The following SLAIN2 variants were observed in gnomAD, a reference collection of about 807,000 sequenced individuals.
SLAIN2 encodes SLAIN family member 2.
A neutral mutation model predicts 56.6 loss-of-function variants in SLAIN2; 31 were observed. That is an observed-to-expected ratio of 0.55 (90% CI 0.41 to 0.74). The LOEUF (loss-of-function observed/expected upper bound fraction) is 0.74, where lower values mean the gene tolerates loss of function less well. SLAIN2 is among the 30% of genes least tolerant of loss of function. The pLI is 0.00. For synonymous variants in SLAIN2, 317 were observed against 284.9 expected (o/e 1.11, Z -1.13); for missense variants, 777 against 754.2 (o/e 1.03, Z -0.35).
intron 1 of SLAIN2, among the ~76,000 whole-genome samples, chr4:48,363,725 G>C (rs1231654438): frequency 5.3e-5 from 6 of 112,456 alleles, no homozygotes; most frequent in African/African-American, 1.2e-4. Context: ...TCCCAGACGG[G>C]GCGGCTGGCC....
rs1196628022 is a variant in SLAIN2, at chr4:48,409,152, C to T, written c.1361-10973C>T. 2.0e-5 allele frequency among the ~76,000 whole-genome samples: 3 copies of T among 152,104 alleles called. No homozygotes were observed. The East Asian group carries it at 5.8e-4, about 29-fold the overall frequency. ...ATAATAACATCACAGAGAATCAGGT[C>T]CCCATCCCCTCAAGCATTCATCCTT... On this transcript the variant is annotated intron_variant, in intron 6 of 7. Transcript: ENST00000264313.
intron 6 of SLAIN2, among the ~76,000 whole-genome samples, chr4:48,395,810 CTTTTTTTT>C (rs10649464): frequency 1.4e-5 from 1 of 72,792 alleles, no homozygotes. Context: ...GAACCTTAGG[CTTTTTTTT>C]TTTTTTTTTT....
intron 1 of SLAIN2, among the ~76,000 whole-genome samples, chr4:48,358,517 C>G (rs1379837147): frequency 1.3e-5 from 2 of 151,936 alleles, no homozygotes; most frequent in Admixed American, 6.6e-5. Context: ...TGGGGTTTCT[C>G]CATGTTGAGG....
At chr4:48,355,658 C>T (rs1266586832) in intron 1 of SLAIN2, among the ~76,000 whole-genome samples, 3 of 152,110 alleles carry the variant, frequency 2.0e-5, no homozygotes, top group Non-Finnish European at 4.4e-5. Context: ...GTATACCCGT[C>T]TCTCTTACCT....
chr4:48,421,752 A>G (rs1717161723), intron 7 of SLAIN2, among the ~76,000 whole-genome samples: 1 of 151,490 alleles, frequency 6.6e-6, no homozygotes. Flanking sequence ...GGAAAAGGTG[A>G]GACCATCTTT....
At chr4:48,418,853 T>G (rs1391068635) in intron 6 of SLAIN2, among the ~76,000 whole-genome samples, 1 of 77,482 alleles carries the variant, frequency 1.3e-5, no homozygotes, top group Non-Finnish European at 3.0e-5. Flanking sequence ...CATTCTACAG[T>G]GTGTGTGTGT....
At chr4:48,412,806 T>C (rs1716897614) in intron 6 of SLAIN2, among the ~76,000 whole-genome samples, 1 of 152,198 alleles carries the variant, frequency 6.6e-6, no homozygotes, top group Admixed American at 6.5e-5. Flanking sequence ...TCTGTGTCTT[T>C]CTCTTTTATG....
chr4:48,384,119 C>G (rs1560458887), intron 6 of SLAIN2, among the ~76,000 whole-genome samples: 2 of 152,138 alleles, frequency 1.3e-5, no homozygotes, highest in African/African-American at 4.8e-5. Context: ...ACCAGTAGAG[C>G]ATCCAAAAAT....
At chr4:48,345,720 A>AT (rs1560447792) in intron 1 of SLAIN2, among the ~76,000 whole-genome samples, 1 of 151,316 alleles carries the variant, frequency 6.6e-6, no homozygotes, top group Non-Finnish European at 1.5e-5. Context: ...AGGCTTTTAA[A>AT]TTTCCTTTTG....
rs1715922998 is a variant in SLAIN2 at position 48,379,729 on chromosome 4, C to G, written c.743C>G (p.Pro248Arg). 1 of 1,540,816 alleles carries G rather than the reference C, an allele frequency of 6.5e-7. No individual in the cohort carries two copies. Among genetic ancestry groups the G allele is most frequent in the Non-Finnish European group, 8.7e-7 (1 of 1,148,438 alleles). Residue 248 changes from proline to arginine, a missense_variant, in exon 4 of 8, where the codon CCT becomes CGT. Physicochemically the swap from Pro to Arg is moderately radical, Grantham distance 103. Transcript: ENST00000264313. ...KSSDRNPPLS[P>R]QSSIDSELSA... Reference sequence around the variant, plus strand: ...TCAGACAGAAATCCTCCACTCAGTCCTCAGTCCTCTATAGATAGTGAGTTA... The same window carrying G: ...TCAGACAGAAATCCTCCACTCAGTCGTCAGTCCTCTATAGATAGTGAGTTA...
intron 6 of SLAIN2, among the ~76,000 whole-genome samples, chr4:48,418,774 C>T (rs1465106486): frequency 2.6e-5 from 4 of 152,162 alleles, no homozygotes; most frequent in African/African-American, 9.7e-5. Context: ...CAACCTCCAA[C>T]AAACATTTGT....
intron 1 of SLAIN2, among the ~76,000 whole-genome samples, chr4:48,344,738 C>T (rs978001551): frequency 4.0e-5 from 6 of 151,570 alleles, no homozygotes; most frequent in African/African-American, 1.2e-4. Context: ...TACATTTTAA[C>T]TCATAATCAG....
Position 48,422,818 on chromosome 4 carries a change from G to A in SLAIN2, c.*741G>A, listed in dbSNP as rs1717195740. On this transcript the variant is annotated 3_prime_UTR_variant, in exon 8 of 8. Transcript: ENST00000264313. The stretch of plus-strand genomic sequence containing the variant: ...GTGTGTTTGTTTTGATTGCCAAAAG[G>A]GCTTAATATCAGTTGTACAATCTTT... The A allele has an allele frequency of 1.3e-5, 2 of 152,064 alleles. No homozygotes were observed. The highest frequency in any genetic ancestry group is 4.1e-4 in the South Asian group (2 of 4,826). The allele number at this position is 152,064 out of a possible 1,614,324, so 9.4% of individuals were successfully genotyped here.
intron 6 of SLAIN2, among the ~76,000 whole-genome samples, chr4:48,386,488 T>C (rs1716104646): frequency 6.6e-6 from 1 of 152,218 alleles, no homozygotes; most frequent in Non-Finnish European, 1.5e-5. Context: ...TCCAGAAATA[T>C]AATTTCCATT....
chr4:48,401,132 T>G (rs1738414354), intron 6 of SLAIN2, among the ~76,000 whole-genome samples: 1 of 152,208 alleles, frequency 6.6e-6, no homozygotes, highest in Non-Finnish European at 1.5e-5. Context: ...GAGTTTTAAT[T>G]TGATTGTGCT....
At chr4:48,402,008 A>G (rs1416010221) in intron 6 of SLAIN2, among the ~76,000 whole-genome samples, 1 of 151,998 alleles carries the variant, frequency 6.6e-6, no homozygotes, top group Non-Finnish European at 1.5e-5. Context: ...AAAGGATCTT[A>G]TTTCTCCTTC....
chr4:48,381,105 A>G (rs1050350458), intron 4 of SLAIN2, among the ~76,000 whole-genome samples: 63 of 152,266 alleles, frequency 4.1e-4, no homozygotes, highest in African/African-American at 1.5e-3. Flanking sequence ...AAAATAAAGA[A>G]TGCTGCCTAA....
intron 4 of SLAIN2, among the ~76,000 whole-genome samples, chr4:48,380,685 G>C (rs1296652997): frequency 2.0e-5 from 3 of 152,128 alleles, no homozygotes; most frequent in Non-Finnish European, 4.4e-5. Context: ...GCATAACTAT[G>C]AAGTAAGAAA....
intron 1 of SLAIN2, among the ~76,000 whole-genome samples, chr4:48,349,051 C>T (rs1320945742): frequency 1.3e-5 from 2 of 152,150 alleles, no homozygotes; most frequent in Admixed American, 6.5e-5. Flanking sequence ...CTCCTCTTAC[C>T]AAAATTTTAC....
Sources: allele counts gnomAD v4.1 joint callset (sites outside exome capture counted in the v4.1 genomes callset), GRCh38; gene constraint gnomAD v4.1.1; transcripts MANE v1.5; gene names NCBI Gene and HGNC (gene_info 2026-07-23, HGNC 2026-07-21).